The following EPB41L2 variants were observed in gnomAD, a reference collection of about 807,000 sequenced individuals.
The protein encoded by EPB41L2 is erythrocyte membrane protein band 4.1 like 2.
Under a neutral mutation model 113.0 loss-of-function variants are expected in EPB41L2, and 43 were observed. The ratio of observed to expected loss-of-function variants is 0.38; its 90% CI spans 0.30 to 0.49. The LOEUF is 0.49. EPB41L2 is among the 20% of genes least tolerant of loss of function. The pLI, the probability that EPB41L2 is intolerant of heterozygous loss-of-function variation, is 0.95. For synonymous variants in EPB41L2, 442 were observed against 436.7 expected, an observed-to-expected ratio of 1.01 and a Z score of -0.15; for missense variants, 1,147 against 1,223.4, an observed-to-expected ratio of 0.94 and a Z score of 0.93.
At chr6:130,857,689 T>TG (rs751259233) in intron 19 of EPB41L2, among the ~76,000 whole-genome samples, 3 of 151,120 alleles carry the variant, frequency 2.0e-5, no homozygotes, top group Non-Finnish European at 4.4e-5. Flanking sequence ...CTCCCAAGTA[T>TG]GGGATTACAG....
chr6:131,014,616 A>C (rs1787774331), intron 1 of EPB41L2, among the ~76,000 whole-genome samples: 2 of 152,210 alleles, frequency 1.3e-5, no homozygotes, highest in Non-Finnish European at 2.9e-5. Flanking sequence ...TCCAAAAATG[A>C]CTTGCAACTG....
chr6:130,850,141 G>A (rs1404913073), intron 19 of EPB41L2, among the ~76,000 whole-genome samples: 1 of 152,126 alleles, frequency 6.6e-6, no homozygotes, highest in African/African-American at 2.4e-5. Context: ...GGGAGGCTGA[G>A]GTAGGAGAAA....
intron 1 of EPB41L2, among the ~76,000 whole-genome samples, chr6:131,052,351 A>T (rs1015946520): frequency 6.6e-6 from 1 of 152,248 alleles, no homozygotes; most frequent in African/African-American, 2.4e-5. Context: ...CCAGAAAAAG[A>T]GGCGAAGGAA....
At chr6:131,007,628 C>T (rs1385616970) in intron 1 of EPB41L2, among the ~76,000 whole-genome samples, 3 of 152,110 alleles carry the variant, frequency 2.0e-5, no homozygotes, top group Non-Finnish European at 4.4e-5. Context: ...GACCAAAATG[C>T]TGATAGTAAT....
At chr6:130,970,117 A>T (rs982809268) in intron 1 of EPB41L2, among the ~76,000 whole-genome samples, 1 of 152,110 alleles carries the variant, frequency 6.6e-6, no homozygotes, top group African/African-American at 2.4e-5. Context: ...ACGTACCCAG[A>T]TTCCATCTAC....
At chr6:130,964,799 G>C (rs1395968235) in intron 1 of EPB41L2, among the ~76,000 whole-genome samples, 1 of 152,112 alleles carries the variant, frequency 6.6e-6, no homozygotes, top group Non-Finnish European at 1.5e-5. Context: ...GGAAGGAACT[G>C]AAATTATTCT....
rs2128494226 is a variant in EPB41L2, at chr6:130,899,597, A to C, written c.1149-19T>G. 4 of 1,604,710 alleles carry C rather than the reference A, an allele frequency of 2.5e-6. No homozygotes were observed. In the East Asian group the frequency reaches 8.9e-5, roughly 36 times the overall value. On this transcript the variant is annotated intron_variant, in intron 7 of 19. Transcript: ENST00000337057. ...TAAGCCCCTGAGAATCAAAAGAAAC[A>C]GTATTATCTTATTAATGGATGCAGA...
chr6:130,971,260 G>A (rs1466076045), intron 1 of EPB41L2, among the ~76,000 whole-genome samples: 11 of 152,134 alleles, frequency 7.2e-5, no homozygotes, highest in Non-Finnish European at 4.4e-5. Flanking sequence ...TTTGAGGTGC[G>A]ACAGCCAAAC....
At chr6:130,905,965 A>G (rs572019053) in intron 5 of EPB41L2, among the ~76,000 whole-genome samples, 1 of 152,186 alleles carries the variant, frequency 6.6e-6, no homozygotes, top group East Asian at 1.9e-4. Flanking sequence ...AATCCTGCTG[A>G]ACTTAAGAAG....
At chr6:130,867,816 ATG>A in intron 15 of EPB41L2, 1 of 456,794 alleles carries the variant, frequency 2.2e-6, no homozygotes, top group South Asian at 2.1e-5. Flanking sequence ...ATATATATGA[ATG>A]TGTGTATGTG....
chr6:130,860,288 G>A (rs1781611408), intron 18 of EPB41L2, among the ~76,000 whole-genome samples: 1 of 152,184 alleles, frequency 6.6e-6, no homozygotes, highest in African/African-American at 2.4e-5. Context: ...AACTGTTCAA[G>A]AGAAAATGTA....
intron 1 of EPB41L2, among the ~76,000 whole-genome samples, chr6:130,993,456 C>G (rs1001201271): frequency 6.6e-6 from 1 of 152,192 alleles, no homozygotes; most frequent in Admixed American, 6.5e-5. Context: ...CGGTGTGTAG[C>G]AACACACTGT....
intron 19 of EPB41L2, among the ~76,000 whole-genome samples, chr6:130,842,057 G>A (rs1433648328): frequency 6.6e-6 from 1 of 152,166 alleles, no homozygotes; most frequent in Non-Finnish European, 1.5e-5. Context: ...GGTAATTAAC[G>A]TCTTTTCCAA....
At chr6:130,912,700 G>A (rs1562470197) in intron 4 of EPB41L2, among the ~76,000 whole-genome samples, 1 of 152,116 alleles carries the variant, frequency 6.6e-6, no homozygotes, top group Non-Finnish European at 1.5e-5. Flanking sequence ...TGCAGCTGCT[G>A]TCCCACCCAA....
chr6:131,008,432 G>A (rs751154198), intron 1 of EPB41L2, among the ~76,000 whole-genome samples: 2 of 152,244 alleles, frequency 1.3e-5, no homozygotes, highest in South Asian at 2.1e-4. Flanking sequence ...TGCAGAAGTC[G>A]AGCTCTCAGA....
chr6:130,955,462 T>C, intron 2 of EPB41L2, 145 bp from the exon 3 acceptor site: 1 of 838,146 alleles, frequency 1.2e-6, no homozygotes, highest in Non-Finnish European at 1.8e-6. Context: ...AAAATTCCAA[T>C]AGAAAGGATA....
intron 4 of EPB41L2, among the ~76,000 whole-genome samples, chr6:130,919,300 C>T (rs773209845): frequency 2.6e-5 from 4 of 152,100 alleles, no homozygotes; most frequent in Non-Finnish European, 2.9e-5. Flanking sequence ...TCAATAAGAA[C>T]GCTACAGTAG....
chr6:131,039,312 T>C (rs1341181767), intron 1 of EPB41L2, among the ~76,000 whole-genome samples: 5 of 152,190 alleles, frequency 3.3e-5, no homozygotes, highest in African/African-American at 1.2e-4. Context: ...AACTCCTACA[T>C]TTCCAAATTT....
chr6:131,039,825 A>G (rs1192965905), intron 1 of EPB41L2, among the ~76,000 whole-genome samples: 1 of 152,046 alleles, frequency 6.6e-6, no homozygotes, highest in Non-Finnish European at 1.5e-5. Context: ...ATGATACTCA[A>G]AAAGAGAAAC....
Sources: allele counts gnomAD v4.1 joint callset (sites outside exome capture counted in the v4.1 genomes callset), GRCh38; gene constraint gnomAD v4.1.1; transcripts MANE v1.5; gene names NCBI Gene and HGNC (gene_info 2026-07-23, HGNC 2026-07-21).